PRR16: variants seen among roughly 807,000 people sequenced by gnomAD.
PRR16 encodes proline rich 16, also known as protein Largen.
A neutral mutation model predicts 18.2 loss-of-function variants in PRR16; 6 were observed. The ratio of observed to expected loss-of-function variants is 0.33; its 90% CI spans 0.18 to 0.65. The LOEUF (loss-of-function observed/expected upper bound fraction) is 0.65. Among genes scored for constraint, PRR16 ranks in the 30% least tolerant of loss-of-function variants. The pLI is 0.74. For synonymous variants in PRR16, 151 were observed against 147.8 expected (o/e 1.02, Z -0.16); for missense variants, 412 against 376.6 (o/e 1.09, Z -0.78).
At chr5:120,696,945 A>G in the PRR16 span, among the ~76,000 whole-genome samples, 1 of 148,910 alleles carries the variant, frequency 6.7e-6, no homozygotes, top group Non-Finnish European at 1.5e-5. Flanking sequence ...TAAGCAATTA[A>G]TATATTGTGC....
At chr5:120,728,844 A>ATT in the PRR16 span, among the ~76,000 whole-genome samples, 2 of 152,184 alleles carry the variant, frequency 1.3e-5, no homozygotes, top group African/African-American at 4.8e-5. Context: ...GCCTGCATCT[A>ATT]TTATTTGAGA....
At position 120,532,610 on chromosome 5, in the gene PRR16, G is replaced by T. The variant is rs553106997; in HGVS notation, c.159+67965G>T. 5.3e-5 allele frequency among the ~76,000 whole-genome samples: 8 copies of T among 152,126 alleles called. No individual in the cohort carries two copies. The South Asian group carries it at 1.5e-3, about 28-fold the overall frequency. On this transcript the variant is annotated intron_variant, in intron 1 of 1. Coordinates refer to ENST00000407149, the MANE Select transcript of PRR16 (RefSeq NM_001300783.2). The stretch of plus-strand genomic sequence containing the variant: ...AACCATTGTTCCTTAGACTAAGGTG[G>T]TTAAAAGTCTTATAATGTACAATAT...
At chr5:120,479,986 A>C (rs953695856) in intron 1 of PRR16, among the ~76,000 whole-genome samples, 1 of 152,212 alleles carries the variant, frequency 6.6e-6, no homozygotes, top group Admixed American at 6.5e-5. Flanking sequence ...ATAATGATTA[A>C]TTCATTTTAA....
chr5:120,643,582 A>G (rs2150126537), intron 1 of PRR16, among the ~76,000 whole-genome samples: 1 of 152,308 alleles, frequency 6.6e-6, no homozygotes, highest in East Asian at 1.9e-4. Flanking sequence ...CCTGATGAAT[A>G]TTACAGGATA....
At chr5:120,654,833 G>GA (rs984255874) in intron 1 of PRR16, among the ~76,000 whole-genome samples, 46 of 151,246 alleles carry the variant, frequency 3.0e-4, no homozygotes, top group African/African-American at 1.1e-3. Flanking sequence ...GACAGAAATA[G>GA]AAAAAATGAG....
At chr5:120,671,493 G>C (rs1418709923) in intron 1 of PRR16, among the ~76,000 whole-genome samples, 2 of 152,030 alleles carry the variant, frequency 1.3e-5, no homozygotes, top group Non-Finnish European at 2.9e-5. Flanking sequence ...GAAAATATAT[G>C]CCTGAGATAT....
At chr5:120,751,078 G>A in the PRR16 span, among the ~76,000 whole-genome samples, 1 of 152,086 alleles carries the variant, frequency 6.6e-6, no homozygotes, top group Non-Finnish European at 1.5e-5. Context: ...CTGACATAAT[G>A]TCCTCCAGTT....
At chr5:120,707,753 A>G in the PRR16 span, among the ~76,000 whole-genome samples, 2 of 152,348 alleles carry the variant, frequency 1.3e-5, no homozygotes, top group South Asian at 2.1e-4. Context: ...GAAAAGAACA[A>G]GTAAAGACAA....
intron 1 of PRR16, among the ~76,000 whole-genome samples, chr5:120,485,992 T>C (rs540899284): frequency 2.6e-5 from 4 of 152,338 alleles, no homozygotes; most frequent in Admixed American, 2.0e-4. Flanking sequence ...TCATTTCTTA[T>C]GGCTGCATAG....
intron 1 of PRR16, among the ~76,000 whole-genome samples, chr5:120,489,293 CTT>C (rs1309177825): frequency 1.3e-5 from 2 of 152,114 alleles, no homozygotes; most frequent in Non-Finnish European, 2.9e-5. Flanking sequence ...GTCTAAGTCT[CTT>C]TGTAGGTCTC....
intron 1 of PRR16, among the ~76,000 whole-genome samples, chr5:120,632,536 AT>A (rs2112841930): frequency 6.6e-6 from 1 of 152,260 alleles, no homozygotes; most frequent in Non-Finnish European, 1.5e-5. Context: ...TTAAAAAAAA[AT>A]CATAATGTCT....
chr5:120,609,597 T>C (rs1211104873), intron 1 of PRR16, among the ~76,000 whole-genome samples: 1 of 152,204 alleles, frequency 6.6e-6, no homozygotes, highest in African/African-American at 2.4e-5. Flanking sequence ...ATGGCTATCT[T>C]ATTGAATTAT....
intron 1 of PRR16, among the ~76,000 whole-genome samples, chr5:120,648,533 T>C (rs957583599): frequency 2.6e-5 from 4 of 152,120 alleles, no homozygotes; most frequent in African/African-American, 7.2e-5. Context: ...AGTAACATTA[T>C]TTTTCTATTT....
chr5:120,530,156 A>ATG (rs1466442058), intron 1 of PRR16, among the ~76,000 whole-genome samples: 2 of 147,572 alleles, frequency 1.4e-5, no homozygotes, highest in East Asian at 2.0e-4. Flanking sequence ...AGACATATAT[A>ATG]TGTGTGTGTG....
intron 1 of PRR16, among the ~76,000 whole-genome samples, chr5:120,639,856 A>G (rs1755363508): frequency 6.6e-6 from 1 of 151,972 alleles, no homozygotes; most frequent in South Asian, 2.1e-4. Flanking sequence ...TTAACACAGC[A>G]TTGTTCATAA....
intron 1 of PRR16, among the ~76,000 whole-genome samples, chr5:120,551,497 T>C (rs917236263): frequency 2.0e-5 from 3 of 152,016 alleles, no homozygotes; most frequent in Non-Finnish European, 2.9e-5. Context: ...CAAGTTGTTG[T>C]TCTCTTAGCA....
intron 1 of PRR16, among the ~76,000 whole-genome samples, chr5:120,582,798 C>G (rs1753317304): frequency 3.3e-5 from 5 of 149,798 alleles, no homozygotes; most frequent in Admixed American, 3.3e-4. Flanking sequence ...CTCAGACCAC[C>G]TGAAGTCTAG....
intron 1 of PRR16, among the ~76,000 whole-genome samples, chr5:120,546,668 G>T (rs1040309169): frequency 2.0e-5 from 3 of 152,088 alleles, no homozygotes; most frequent in African/African-American, 4.8e-5. Context: ...TTCAGCTAGA[G>T]ATTTTTTTTT....
At chr5:120,509,520 C>T (rs1365822902) in intron 1 of PRR16, among the ~76,000 whole-genome samples, 1 of 152,056 alleles carries the variant, frequency 6.6e-6, no homozygotes, top group African/African-American at 2.4e-5. Context: ...GGCTCCTCCA[C>T]TGAGAATTTA....
Sources: gnomAD v4.1 joint callset for allele counts (sites outside exome capture counted in the v4.1 genomes callset) on GRCh38, gnomAD v4.1.1 for gene constraint, MANE v1.5 for transcripts, NCBI Gene and HGNC (gene_info 2026-07-23, HGNC 2026-07-21) for gene names.